TMEM131L: variants seen among roughly 807,000 people sequenced by gnomAD.
TMEM131L encodes transmembrane protein 131-like.
Under a neutral mutation model 192.2 loss-of-function variants are expected in TMEM131L, and 54 were observed. The observed-to-expected ratio is 0.28, with a 90% CI of 0.23 to 0.35. The LOEUF (loss-of-function observed/expected upper bound fraction) is 0.35, where lower values mean the gene tolerates loss of function less well. Ranked by LOEUF, TMEM131L falls within the 10% of genes least tolerant of loss-of-function variation. The pLI, the probability that TMEM131L is intolerant of heterozygous loss-of-function variation, is 1.00. For missense variants in TMEM131L, 1,888 were observed against 1,972.9 expected (o/e 0.96, Z 0.82); for synonymous variants, 701 against 704.9 (o/e 0.99, Z 0.09).
In TMEM131L at chr4:153,558,273, A is replaced by C; in HGVS notation, c.565A>C (p.Thr189Pro). 6.3e-7 allele frequency: 1 copy of C among 1,586,892 alleles called. No individual in the cohort carries two copies. Among genetic ancestry groups the C allele is most frequent in the Non-Finnish European group, 8.6e-7 (1 of 1,158,070 alleles). Residue 189 changes from threonine to proline, a missense_variant, in exon 7 of 35, where the codon ACT becomes CCT. Physicochemically the swap from Thr to Pro is conservative, Grantham distance 38. Transcript: ENST00000409959. The part of the protein sequence containing the change: ...VLSYHVSGIG[T>P]RRISTEGSAK... The stretch of plus-strand genomic sequence containing the variant: ...TTTTCCGCAGGTATCTGGAATTGGC[A>C]CTCGTAGAATCTCTACAGAAGGGTC...
In TMEM131L at chr4:153,612,398, G is replaced by C. The variant is rs1732687448; in HGVS notation, c.3565G>C (p.Glu1189Gln). Residue 1189 changes from glutamate to glutamine, a missense_variant and splice_region_variant, in exon 26 of 35, where the codon GAG (glutamate) becomes CAG (glutamine). By Grantham distance (29) the Glu-to-Gln change is conservative. Coordinates refer to ENST00000409959, the MANE Select transcript of TMEM131L (RefSeq NM_001131007.2). ...FSEKQDIPFV[E>Q]QEDPYRKKKL... ...TGAGAAACAGGACATACCTTTCGTA[G>C]AGGTCTGTATTTTTTTTCTTGCCTA... 6 of 1,586,012 alleles carry C rather than the reference G, an allele frequency of 3.8e-6. No homozygotes were observed. Among genetic ancestry groups the C allele is most frequent in the Non-Finnish European group, 5.1e-6 (6 of 1,171,898 alleles).
intron 7 of TMEM131L, among the ~76,000 whole-genome samples, chr4:153,577,552 G>T (rs917809874): frequency 1.3e-5 from 2 of 152,138 alleles, no homozygotes; most frequent in East Asian, 3.9e-4. Flanking sequence ...ATAAAGGAAC[G>T]GGCATGGCTG....
chr4:153,558,831 T>C (rs1040213744), intron 7 of TMEM131L: 1 of 152,470 alleles, frequency 6.6e-6, no homozygotes, highest in African/African-American at 2.4e-5. Context: ...CTTTTAGCCC[T>C]GCCCGGATGG....
Position 153,592,545 on chromosome 4 carries a change from AC to A in TMEM131L, c.1886del (p.Pro629LeufsTer6). The A allele has an allele frequency of 6.2e-7, 1 of 1,614,006 alleles. No individual in the cohort carries two copies. The highest frequency in any genetic ancestry group is 8.5e-7 in the Non-Finnish European group (1 of 1,179,972). On this transcript the variant is annotated frameshift_variant, in exon 18 of 35. Coordinates refer to ENST00000409959, the MANE Select transcript of TMEM131L (RefSeq NM_001131007.2). LOFTEE classifies it high-confidence loss of function. ...TTGCAGCTCCTGCCTCTCTCCTTGT[AC>A]CCTAAACCCGAAGCCCTAGTGCACC... The part of the protein sequence containing the change: ...VSLQLLPLSL[Y>X]PKPEALVHLL...
chr4:153,505,562 A>G (rs1173159899), intron 3 of TMEM131L, among the ~76,000 whole-genome samples: 1 of 152,222 alleles, frequency 6.6e-6, no homozygotes, highest in Non-Finnish European at 1.5e-5. Flanking sequence ...GAATTTTGTA[A>G]GAAACATAAT....
chr4:153,496,896 T>G (rs1031594064), intron 3 of TMEM131L, among the ~76,000 whole-genome samples: 3 of 151,948 alleles, frequency 2.0e-5, no homozygotes. Context: ...GGTCTCATTA[T>G]GTGGCCTAGG....
intron 25 of TMEM131L, among the ~76,000 whole-genome samples, chr4:153,608,054 A>C (rs1451541316): frequency 6.6e-6 from 1 of 152,060 alleles, no homozygotes; most frequent in African/African-American, 2.4e-5. Context: ...CCAGGAGGTC[A>C]AGGCTGCAGT....
At chr4:153,506,390 C>T (rs1348667509) in intron 3 of TMEM131L, among the ~76,000 whole-genome samples, 1 of 152,152 alleles carries the variant, frequency 6.6e-6, no homozygotes, top group Admixed American at 6.5e-5. Flanking sequence ...GGAGTGACAG[C>T]CAAGGATTTT....
At chr4:153,621,277 CTG>C (rs1578883780) in intron 27 of TMEM131L, among the ~76,000 whole-genome samples, 1 of 152,190 alleles carries the variant, frequency 6.6e-6, no homozygotes, top group African/African-American at 2.4e-5. Flanking sequence ...ACTGACCCAC[CTG>C]CGCTATCTGG....
At position 153,607,588 on chromosome 4, in the gene TMEM131L, T is replaced by C. The variant is rs78713643; in HGVS notation, c.3418+3158T>C. Among the ~76,000 whole-genome samples, 407 of 152,240 alleles carry C rather than the reference T, an allele frequency of 2.7e-3. 4 individuals carry two copies. Among genetic ancestry groups the C allele is most frequent in the Non-Finnish European group, 3.6e-3 (245 of 68,012 alleles). ...TGGTCTGTAGAAACCATTCTAGTCA[T>C]AAGATTGCCTTTAAAGGGAAAAAGG... On this transcript the variant is annotated intron_variant, in intron 25 of 34. Coordinates refer to ENST00000409959, the MANE Select transcript of TMEM131L (RefSeq NM_001131007.2).
chr4:153,493,991 C>T (rs1485504085), intron 3 of TMEM131L, among the ~76,000 whole-genome samples: 1 of 152,078 alleles, frequency 6.6e-6, no homozygotes, highest in East Asian at 1.9e-4. Context: ...GTGACAGAAT[C>T]CTTTTTTTAA....
At chr4:153,504,644 T>C (rs1319011072) in intron 3 of TMEM131L, among the ~76,000 whole-genome samples, 2 of 152,176 alleles carry the variant, frequency 1.3e-5, no homozygotes, top group East Asian at 1.9e-4. Context: ...TCAGTCTGAG[T>C]TGTAATATAA....
intron 3 of TMEM131L, among the ~76,000 whole-genome samples, chr4:153,510,160 T>G (rs1468530057): frequency 6.6e-6 from 1 of 152,164 alleles, no homozygotes; most frequent in Admixed American, 6.5e-5. Flanking sequence ...AAATGATTTT[T>G]TTTTTGGTAT....
chr4:153,594,184 C>G (rs1731267626), intron 19 of TMEM131L, among the ~76,000 whole-genome samples: 1 of 152,050 alleles, frequency 6.6e-6, no homozygotes, highest in Non-Finnish European at 1.5e-5. Flanking sequence ...TCTTAAGATT[C>G]CTTGGCCCTC....
chr4:153,496,581 C>T (rs1580070925), intron 3 of TMEM131L, among the ~76,000 whole-genome samples: 2 of 152,194 alleles, frequency 1.3e-5, no homozygotes, highest in East Asian at 3.9e-4. Flanking sequence ...TTGTTTGAGA[C>T]AGGGTCTCAT....
intron 7 of TMEM131L, among the ~76,000 whole-genome samples, chr4:153,579,614 A>G (rs1730196419): frequency 1.3e-5 from 2 of 152,070 alleles, no homozygotes; most frequent in Non-Finnish European, 1.5e-5. Context: ...TGGGACTATA[A>G]GCGCACATCA....
intron 32 of TMEM131L, chr4:153,633,342 A>G: frequency 6.6e-6 from 1 of 152,422 alleles, no homozygotes; most frequent in Non-Finnish European, 1.5e-5. Context: ...TCAGCCTCTC[A>G]AGTAACTGGG....
chr4:153,544,205 G>A (rs1361675298), intron 3 of TMEM131L, among the ~76,000 whole-genome samples: 2 of 152,238 alleles, frequency 1.3e-5, no homozygotes, highest in Non-Finnish European at 2.9e-5. Context: ...GTTCGCTGAG[G>A]AATATGGAAA....
chr4:153,497,554 A>G (rs2149953708), intron 3 of TMEM131L, among the ~76,000 whole-genome samples: 1 of 152,230 alleles, frequency 6.6e-6, no homozygotes, highest in Admixed American at 6.5e-5. Context: ...AGTTATATTG[A>G]TTAAATTAGG....
Sources: allele counts gnomAD v4.1 joint callset (sites outside exome capture counted in the v4.1 genomes callset), GRCh38; gene constraint gnomAD v4.1.1; transcripts MANE v1.5; gene names NCBI Gene and HGNC (gene_info 2026-07-23, HGNC 2026-07-21).